The following COL24A1 variants were observed in gnomAD, a reference collection of about 807,000 sequenced individuals.
COL24A1 encodes collagen alpha-1(XXIV) chain.
In COL24A1, 224 loss-of-function variants were observed where a neutral mutation model predicts 253.9. The ratio of observed to expected loss-of-function variants is 0.88; its 90% CI spans 0.79 to 0.99. The LOEUF (loss-of-function observed/expected upper bound fraction) is 0.99. Ranked by LOEUF, COL24A1 falls within the 50% of genes least tolerant of loss-of-function variation. The pLI, the probability that COL24A1 is intolerant of heterozygous loss-of-function variation, is 0.00. For synonymous variants in COL24A1, 685 were observed against 673.7 expected, an observed-to-expected ratio of 1.02 and a Z score of -0.26; for missense variants, 2,131 against 2,068.5, an observed-to-expected ratio of 1.03 and a Z score of -0.59.
intron 22 of COL24A1, among the ~76,000 whole-genome samples, chr1:85,968,657 C>G (rs939516592): frequency 6.6e-6 from 1 of 152,052 alleles, no homozygotes; most frequent in Non-Finnish European, 1.5e-5. Flanking sequence ...ATTTATAAAA[C>G]CAATTCTATT....
intron 20 of COL24A1, 40 bp from the exon 21 acceptor site, chr1:85,971,433 A>C: frequency 6.9e-7 from 1 of 1,457,284 alleles, no homozygotes; most frequent in Non-Finnish European, 9.5e-7. Context: ...GAAATTTTAG[A>C]TCAACTGACA....
intron 43 of COL24A1, among the ~76,000 whole-genome samples, chr1:85,830,133 C>T (rs2102087987): frequency 6.6e-6 from 1 of 152,056 alleles, no homozygotes; most frequent in Non-Finnish European, 1.5e-5. Context: ...GTTAGTTTTC[C>T]TTCTAACAGA....
At position 85,781,214 on chromosome 1, in the gene COL24A1, A is replaced by G. The variant is rs764982970; in HGVS notation, c.4338+6T>C. ...GTACAAAAGACTTGTATTATGATAAACTTACAGTTCTACCTGTTGGGCCTA... is the reference window on the plus strand; with the variant it reads ...GTACAAAAGACTTGTATTATGATAAGCTTACAGTTCTACCTGTTGGGCCTA... On this transcript the variant is annotated splice_donor_region_variant and intron_variant, in intron 52 of 59. Coordinates refer to ENST00000370571, the MANE Select transcript of COL24A1 (RefSeq NM_152890.7). 6.3e-7 allele frequency: 1 copy of G among 1,586,808 alleles called. No homozygotes were observed. The highest frequency in any genetic ancestry group is 8.6e-7 in the Non-Finnish European group (1 of 1,164,062).
At position 86,057,934 on chromosome 1, in the gene COL24A1, TG is replaced by T; in HGVS notation, c.1847del (p.Ala616AspfsTer56). 4 of 1,612,800 alleles carry T rather than the reference TG, an allele frequency of 2.5e-6. No individual in the cohort carries two copies. In the South Asian group the frequency reaches 4.4e-5, roughly 18 times the overall value. On this transcript the variant is annotated frameshift_variant, in exon 10 of 60. Coordinates refer to ENST00000370571, the MANE Select transcript of COL24A1 (RefSeq NM_152890.7). LOFTEE classifies it high-confidence loss of function. Reference sequence around the variant, plus strand: ...AATGATGGAAATGCCTACTTACTTGTGCACCTTTAGGACCTGGATTACCTTC... The same window carrying T: ...AATGATGGAAATGCCTACTTACTTGTCACCTTTAGGACCTGGATTACCTTC... ...GPEGNPGPKGAQGFIGSPGEA... is the reference protein window; with the variant it reads ...GPEGNPGPKGXQGFIGSPGEA...
intron 32 of COL24A1, among the ~76,000 whole-genome samples, chr1:85,886,720 CATT>C (rs1682553055): frequency 6.6e-6 from 1 of 152,010 alleles, no homozygotes; most frequent in South Asian, 2.1e-4. Flanking sequence ...TTGTATTTCT[CATT>C]ATATCTGTGA....
At chr1:85,910,836 T>C (rs1364037723) in intron 25 of COL24A1, among the ~76,000 whole-genome samples, 1 of 151,844 alleles carries the variant, frequency 6.6e-6, no homozygotes, top group East Asian at 1.9e-4. Context: ...GTGGTACTAT[T>C]CTAAGTCCAA....
chr1:85,987,554 T>G (rs11799965), intron 20 of COL24A1, 47 bp downstream of exon 20: 395,006 of 1,478,556 alleles, frequency 0.27, 55,649 homozygotes, highest in Admixed American at 0.37. Context: ...AATCAGGAGC[T>G]CTAGATAACC....
intron 9 of COL24A1, 73 bp from the exon 10 acceptor site, chr1:86,058,048 G>A: frequency 8.1e-7 from 1 of 1,241,562 alleles, no homozygotes; most frequent in Non-Finnish European, 1.1e-6. Context: ...TTAATAAAAA[G>A]GCCATATAAA....
At chr1:85,944,024 T>G (rs1465876734) in intron 24 of COL24A1, among the ~76,000 whole-genome samples, 1 of 152,250 alleles carries the variant, frequency 6.6e-6, no homozygotes, top group African/African-American at 2.4e-5. Flanking sequence ...ACTTTCCCAG[T>G]AAATGAAGAG....
intron 10 of COL24A1, among the ~76,000 whole-genome samples, chr1:86,057,461 T>C (rs1433072998): frequency 1.3e-5 from 2 of 152,234 alleles, no homozygotes; most frequent in Non-Finnish European, 2.9e-5. Context: ...TAAAAATGGC[T>C]AACATTTCCT....
chr1:85,877,082 TA>T, intron 33 of COL24A1, 39 bp downstream of exon 33: 1 of 1,457,484 alleles, frequency 6.9e-7, no homozygotes, highest in Non-Finnish European at 9.5e-7. Context: ...TTACAAAAAG[TA>T]GAATATTTAT....
intron 9 of COL24A1, among the ~76,000 whole-genome samples, chr1:86,058,634 TAAGGG>T (rs1700835140): frequency 6.6e-6 from 1 of 151,748 alleles, no homozygotes; most frequent in East Asian, 1.9e-4. Flanking sequence ...TTAGAAATTA[TAAGGG>T]AATACATTTA....
intron 57 of COL24A1, among the ~76,000 whole-genome samples, chr1:85,739,338 A>G (rs1034944109): frequency 6.6e-6 from 1 of 152,100 alleles, no homozygotes; most frequent in South Asian, 2.1e-4. Context: ...GTTATATTCT[A>G]TTTGGGTAGG....
At chr1:86,079,491 G>A (rs113348677) in intron 7 of COL24A1, among the ~76,000 whole-genome samples, 3,206 of 152,086 alleles carry the variant, frequency 0.021, 39 homozygotes, top group Middle Eastern at 0.068. Flanking sequence ...CACAGCAAAG[G>A]AAACAATCAA....
At chr1:85,763,275 G>A (rs1667013785) in intron 53 of COL24A1, among the ~76,000 whole-genome samples, 1 of 151,494 alleles carries the variant, frequency 6.6e-6, no homozygotes, top group Non-Finnish European at 1.5e-5. Flanking sequence ...AAAATTAGCC[G>A]GGTATGGTGG....
chr1:85,932,873 TG>T (rs1198551979), intron 24 of COL24A1, among the ~76,000 whole-genome samples: 1 of 70,322 alleles, frequency 1.4e-5, no homozygotes, highest in Non-Finnish European at 2.6e-5. Context: ...CACTCATAGG[TG>T]GGAATTGAAC....
At chr1:86,109,879 C>G (rs1273288429) in intron 5 of COL24A1, among the ~76,000 whole-genome samples, 1 of 152,092 alleles carries the variant, frequency 6.6e-6, no homozygotes, top group African/African-American at 2.4e-5. Context: ...GGGATTAGTG[C>G]CCTTATAAAA....
At chr1:85,798,052 C>T (rs752732814) in intron 47 of COL24A1, among the ~76,000 whole-genome samples, 2 of 151,790 alleles carry the variant, frequency 1.3e-5, no homozygotes, top group Admixed American at 1.3e-4. Context: ...CAATAAATTA[C>T]GGAATGTGGT....
At chr1:86,155,740 G>T (rs912962349) in intron 1 of COL24A1, 7 of 152,310 alleles carry the variant, frequency 4.6e-5, no homozygotes, top group African/African-American at 1.7e-4. Flanking sequence ...GGCAACGTTT[G>T]TTGGCCTTCT....
Sources: gnomAD v4.1 joint callset for allele counts (sites outside exome capture counted in the v4.1 genomes callset) on GRCh38, gnomAD v4.1.1 for gene constraint, MANE v1.5 for transcripts, NCBI Gene and HGNC (gene_info 2026-07-23, HGNC 2026-07-21) for gene names.